COL4A1: variants seen among roughly 807,000 people sequenced by gnomAD.
COL4A1 encodes the protein collagen type IV alpha 1 chain.
A neutral mutation model predicts 216.6 loss-of-function variants in COL4A1; 40 were observed. That is an observed-to-expected ratio of 0.18 (90% CI 0.14 to 0.24). The LOEUF (loss-of-function observed/expected upper bound fraction) is 0.24, where lower values mean the gene tolerates loss of function less well. Among genes scored for constraint, COL4A1 ranks in the 10% least tolerant of loss-of-function variants. The probability of loss-of-function intolerance (pLI) is 1.00; values close to 1 mark genes in which losing one functional copy is unlikely to be tolerated. For synonymous variants in COL4A1, 839 were observed against 810.7 expected (o/e 1.03, Z -0.59); for missense variants, 1,628 against 2,196.8 (o/e 0.74, Z 5.18).
intron 1 of COL4A1, among the ~76,000 whole-genome samples, chr13:110,283,211 G>A (rs189251138): frequency 1.6e-3 from 239 of 152,356 alleles, no homozygotes; most frequent in African/African-American, 5.6e-3. Context: ...AATATAATAT[G>A]TTCAGAAAAG....
intron 1 of COL4A1, among the ~76,000 whole-genome samples, chr13:110,251,163 G>A (rs1295294184): frequency 3.3e-5 from 5 of 152,334 alleles, no homozygotes; most frequent in African/African-American, 4.8e-5. Flanking sequence ...TGCGGCTCCC[G>A]GCTGTGCTGA....
chr13:110,213,268 TAAAA>T (rs3837555), intron 4 of COL4A1, among the ~76,000 whole-genome samples: 3 of 150,834 alleles, frequency 2.0e-5, no homozygotes, highest in Admixed American at 2.0e-4. Flanking sequence ...AAAATTGAAA[TAAAA>T]AAAAACAAAA....
intron 1 of COL4A1, among the ~76,000 whole-genome samples, chr13:110,303,207 A>G (rs1884561489): frequency 6.6e-6 from 1 of 152,134 alleles, no homozygotes; most frequent in African/African-American, 2.4e-5. Flanking sequence ...GCCTGGCCCA[A>G]GTAAGGGTAG....
Position 110,176,542 on chromosome 13 carries a change from G to A in COL4A1, c.2969-29C>T, listed in dbSNP as rs776023239. ...GAACCATAAAGAAAGCAGTCTGACA[G>A]GTTGACATCTACAGAAAGAGCTGGG... On this transcript the variant is annotated intron_variant, in intron 35 of 51. Transcript: ENST00000375820. 3 of 1,599,934 alleles carry A rather than the reference G, an allele frequency of 1.9e-6. No homozygotes were observed. The East Asian group carries it at 6.7e-5, about 36-fold the overall frequency.
At chr13:110,261,077 T>G (rs1420393020) in intron 1 of COL4A1, among the ~76,000 whole-genome samples, 1 of 148,376 alleles carries the variant, frequency 6.7e-6, no homozygotes, top group Non-Finnish European at 1.5e-5. Flanking sequence ...ACATTTTCTG[T>G]TATGTGTATT....
rs1877509430 is a variant in COL4A1 at position 110,169,554 on chromosome 13, C to A, written c.3876+75G>T. 6 of 1,601,672 alleles carry A rather than the reference C, an allele frequency of 3.7e-6. No individual in the cohort carries two copies. The East Asian group carries it at 1.1e-4, about 30-fold the overall frequency. On this transcript the variant is annotated intron_variant, in intron 43 of 51. Transcript: ENST00000375820. ...TATATACATACACAAAATACATACA[C>A]ACATAGACACATATGAATACTTCTG... is the stretch of plus-strand genomic sequence containing the variant.
At chr13:110,163,608 G>T in intron 46 of COL4A1, 47 bp from the exon 47 acceptor site, 1 of 1,512,826 alleles carries the variant, frequency 6.6e-7, no homozygotes, top group Non-Finnish European at 9.1e-7. Context: ...GCAGTAAGCT[G>T]TATCTCTTTC....
chr13:110,247,790 CGTGTGT>C (rs56086913), intron 1 of COL4A1, among the ~76,000 whole-genome samples: 1,652 of 57,742 alleles, frequency 0.029, 37 homozygotes, highest in Non-Finnish European at 0.031. Context: ...CTATGCTACT[CGTGTGT>C]GTGTGTGTGT....
At chr13:110,233,263 A>T (rs1881148598) in intron 2 of COL4A1, among the ~76,000 whole-genome samples, 2 of 152,176 alleles carry the variant, frequency 1.3e-5, no homozygotes, top group African/African-American at 2.4e-5. Context: ...CCAGATGATG[A>T]TTCATGTGCG....
At chr13:110,192,168 G>C (rs1438183050) in intron 24 of COL4A1, 46 bp downstream of exon 24, 1 of 1,585,538 alleles carries the variant, frequency 6.3e-7, no homozygotes, top group Non-Finnish European at 8.7e-7. Flanking sequence ...CCACGTGCTT[G>C]GTGGCAACTT....
At position 110,207,555 on chromosome 13, in the gene COL4A1, G is replaced by C; in HGVS notation, c.694-66C>G. 7.5e-7 allele frequency: 1 copy of C among 1,325,976 alleles called. No homozygotes were observed. Among genetic ancestry groups the C allele is most frequent in the Non-Finnish European group, 1.1e-6 (1 of 919,254 alleles). The allele number at this position is 1,325,976 out of a possible 1,614,324, so 82.1% of individuals were successfully genotyped here. ...AATTATGCAGACATGAAAAATTGCAGAGAGAGGTAAAAGCCTAAAATAAAA... is the reference window on the plus strand; with the variant it reads ...AATTATGCAGACATGAAAAATTGCACAGAGAGGTAAAAGCCTAAAATAAAA... On this transcript the variant is annotated intron_variant, in intron 12 of 51. Coordinates refer to ENST00000375820, the MANE Select transcript of COL4A1 (RefSeq NM_001845.6). This position sits in a 1 kb window ranked among gnomAD's most constrained non-coding sequence, Gnocchi z 4.4.
At chr13:110,248,892 T>C (rs750744166) in intron 1 of COL4A1, among the ~76,000 whole-genome samples, 1 of 152,140 alleles carries the variant, frequency 6.6e-6, no homozygotes, top group Non-Finnish European at 1.5e-5. Flanking sequence ...CACTCACACT[T>C]TTTTCGGATA....
chr13:110,261,035 T>TAAAAAAAAAAA (rs1303970828), intron 1 of COL4A1, among the ~76,000 whole-genome samples: 1,064 of 42,078 alleles, frequency 0.025, 90 homozygotes, highest in African/African-American at 0.045. Flanking sequence ...AGACTCCGTC[T>TAAAAAAAAAAA]CAAAAAAAAA....
chr13:110,186,640 TA>T, intron 25 of COL4A1, 87 bp from the exon 26 acceptor site: 1 of 1,524,104 alleles, frequency 6.6e-7, no homozygotes, highest in East Asian at 2.3e-5. Context: ...TTGTGGTCAA[TA>T]AGTACTAGAG....
chr13:110,264,828 T>C lies in COL4A1; in HGVS notation c.85-22094A>G, dbSNP rs1882959738. Among the ~76,000 whole-genome samples, 3 of 152,194 alleles carry C rather than the reference T, an allele frequency of 2.0e-5. No homozygotes were observed. The South Asian group carries it at 6.2e-4, about 32-fold the overall frequency. On this transcript the variant is annotated intron_variant, in intron 1 of 51. Coordinates refer to ENST00000375820, the MANE Select transcript of COL4A1 (RefSeq NM_001845.6). ...CTTACTCAGGGGTTGATGGGGGGAT[T>C]GAAGGCCACTGGAGCTCCTGAGCTG... is the stretch of plus-strand genomic sequence containing the variant.
intron 1 of COL4A1, among the ~76,000 whole-genome samples, chr13:110,281,857 T>C (rs1441479664): frequency 1.2e-4 from 18 of 152,228 alleles, no homozygotes; most frequent in Non-Finnish European, 1.5e-4. Context: ...CGGCACACAG[T>C]TCTGTGGATG....
At chr13:110,155,155 G>A in intron 50 of COL4A1, 128 bp downstream of exon 50, 2 of 759,188 alleles carry the variant, frequency 2.6e-6, no homozygotes. Context: ...GGGATGGTTG[G>A]AGGAAGAAGG....
At chr13:110,264,742 TC>T (rs1340392418) in intron 1 of COL4A1, among the ~76,000 whole-genome samples, 1 of 152,190 alleles carries the variant, frequency 6.6e-6, no homozygotes, top group Non-Finnish European at 1.5e-5. Flanking sequence ...CCCGTCTCTT[TC>T]TTTCTCCCTC....
chr13:110,293,924 T>A (rs560903864), intron 1 of COL4A1, among the ~76,000 whole-genome samples: 69 of 152,286 alleles, frequency 4.5e-4, no homozygotes, highest in South Asian at 8.3e-4. Flanking sequence ...ACAGCAATAG[T>A]TTTCATGTTT....
Sources: gnomAD v4.1 joint callset for allele counts (sites outside exome capture counted in the v4.1 genomes callset) on GRCh38, gnomAD v4.1.1 for gene constraint, Gnocchi (gnomAD v3.1) non-coding constraint, MANE v1.5 for transcripts, NCBI Gene and HGNC (gene_info 2026-07-23, HGNC 2026-07-21) for gene names.